The following AGBL1 variants were observed in gnomAD, a reference collection of about 807,000 sequenced individuals.
The protein encoded by AGBL1 is AGBL carboxypeptidase 1.
In AGBL1, 130 loss-of-function variants were observed where a neutral mutation model predicts 118.9. That is an observed-to-expected ratio of 1.09 (90% CI 0.95 to 1.26). The LOEUF (loss-of-function observed/expected upper bound fraction) is 1.26, where lower values mean the gene tolerates loss of function less well. Among genes scored for constraint, AGBL1 ranks in the 50% most tolerant of loss-of-function variants. AGBL1 has a pLI of 0.00. For synonymous variants in AGBL1, 555 were observed against 478.9 expected (o/e 1.16, Z -2.08); for missense variants, 1,584 against 1,298.1 (o/e 1.22, Z -3.38).
intron 22 of AGBL1, among the ~76,000 whole-genome samples, chr15:86,883,644 C>G (rs1322226139): frequency 6.6e-6 from 1 of 152,194 alleles, no homozygotes; most frequent in Admixed American, 6.5e-5. Flanking sequence ...CGACTCCACT[C>G]CTAGGCTCTT....
intron 19 of AGBL1, among the ~76,000 whole-genome samples, chr15:86,533,295 G>T (rs2083376061): frequency 7.7e-6 from 1 of 129,346 alleles, no homozygotes; most frequent in Non-Finnish European, 1.6e-5. Context: ...TCAAAAAGTG[G>T]GCGAAGGACA....
At chr15:86,290,227 T>TA (rs2079521986) in intron 16 of AGBL1, among the ~76,000 whole-genome samples, 1 of 152,162 alleles carries the variant, frequency 6.6e-6, no homozygotes, top group South Asian at 2.1e-4. Context: ...ACCATATTTT[T>TA]AGATAGTCAT....
intron 5 of AGBL1, among the ~76,000 whole-genome samples, chr15:86,194,283 G>A (rs1022472907): frequency 5.3e-5 from 8 of 152,134 alleles, no homozygotes; most frequent in African/African-American, 1.9e-4. Context: ...CTTCCTCAGT[G>A]TTTTGCGTGA....
At chr15:86,333,349 GA>G (rs1197103504) in intron 17 of AGBL1, among the ~76,000 whole-genome samples, 2 of 152,124 alleles carry the variant, frequency 1.3e-5, no homozygotes, top group African/African-American at 4.8e-5. Context: ...TAACAAAGGT[GA>G]CATCACAAGT....
At chr15:86,637,111 A>C (rs1036262126) in intron 21 of AGBL1, among the ~76,000 whole-genome samples, 3 of 152,196 alleles carry the variant, frequency 2.0e-5, no homozygotes, top group Middle Eastern at 3.4e-3. Context: ...AGGATGGACA[A>C]AATATATTTG....
chr15:86,180,138 C>G (rs75834692), intron 5 of AGBL1, among the ~76,000 whole-genome samples: 4 of 151,862 alleles, frequency 2.6e-5, no homozygotes, highest in Non-Finnish European at 4.4e-5. Flanking sequence ...TCTATAGATT[C>G]GTTGCACTCC....
intron 17 of AGBL1, among the ~76,000 whole-genome samples, chr15:86,327,930 AAAG>A (rs772632449): frequency 5.9e-5 from 9 of 152,178 alleles, no homozygotes; most frequent in Non-Finnish European, 1.0e-4. Context: ...GTTTTAAAGG[AAAG>A]AAGAAGAATA....
chr15:86,716,184 C>G (rs1024348750), intron 22 of AGBL1, among the ~76,000 whole-genome samples: 3 of 152,128 alleles, frequency 2.0e-5, no homozygotes, highest in African/African-American at 7.2e-5. Flanking sequence ...TTCCTGGAAT[C>G]TCTCTACCAT....
chr15:86,790,466 A>C (rs1484997215), intron 22 of AGBL1, among the ~76,000 whole-genome samples: 2 of 152,066 alleles, frequency 1.3e-5, no homozygotes, highest in Non-Finnish European at 2.9e-5. Context: ...TAGGTGTTTG[A>C]GCTTCCTCAG....
intron 3 of AGBL1, among the ~76,000 whole-genome samples, chr15:86,149,493 A>G (rs1052567981): frequency 1.3e-5 from 2 of 152,210 alleles, no homozygotes; most frequent in South Asian, 4.1e-4. Context: ...CTCCAATAAA[A>G]CAGACTTTAA....
intron 1 of AGBL1, among the ~76,000 whole-genome samples, chr15:86,102,931 CT>C (rs532474851): frequency 5.2e-4 from 79 of 152,018 alleles, no homozygotes; most frequent in African/African-American, 1.9e-3. Flanking sequence ...TTAATATTGC[CT>C]TCTGGGACAC....
chr15:86,225,010 C>A, intron 6 of AGBL1, 59 bp downstream of exon 6: 32 of 1,431,440 alleles, frequency 2.2e-5, no homozygotes, highest in Non-Finnish European at 2.9e-5. Flanking sequence ...ATGAAAGATA[C>A]TTTCTGGTCC....
chr15:86,808,588 C>T (rs1329103672), intron 22 of AGBL1, among the ~76,000 whole-genome samples: 1 of 147,404 alleles, frequency 6.8e-6, no homozygotes, highest in Non-Finnish European at 1.5e-5. Flanking sequence ...TCCTTCCTCC[C>T]CTTTCCTTCC....
chr15:86,561,211 C>T (rs901738991), intron 21 of AGBL1, among the ~76,000 whole-genome samples: 4 of 152,292 alleles, frequency 2.6e-5, no homozygotes, highest in Non-Finnish European at 2.9e-5. Context: ...AGTCCTTGCC[C>T]ACGCCTATGT....
rs2141706827 is a variant in AGBL1, at chr15:86,158,942, G to T, written c.404G>T (p.Gly135Val). 6.2e-7 allele frequency: 1 copy of T among 1,613,260 alleles called. No homozygotes were observed. Among genetic ancestry groups the T allele is most frequent in the South Asian group, 1.1e-5 (1 of 91,056 alleles). ...LRVFASSVSM[G>V]AMLGINGAME... ...CTTTTGTTTTTCTTAGTCTCCATGG[G>T]AGCCATGCTGGGAATTAATGGAGCC... Residue 135 changes from glycine to valine, a missense_variant, in exon 5 of 23, where the codon GGA becomes GTA. Coordinates refer to ENST00000614907, the MANE Select transcript of AGBL1 (RefSeq NM_001386094.1).
intron 5 of AGBL1, among the ~76,000 whole-genome samples, chr15:86,211,411 C>T (rs2078095628): frequency 6.6e-6 from 1 of 152,250 alleles, no homozygotes; most frequent in South Asian, 2.1e-4. Flanking sequence ...GAAGTTTTTG[C>T]TGCCTTTTGT....
At position 86,665,811 on chromosome 15, in the gene AGBL1, C is replaced by G. The variant is rs1364359871; in HGVS notation, c.2995-8462C>G. ...GTAAGATTTTTCTCTCAAATATTAA[C>G]CAACTGCTTTTGAGTTTTTATCTTT... On this transcript the variant is annotated intron_variant, in intron 21 of 22. Transcript: ENST00000614907. Among the ~76,000 whole-genome samples the G allele has an allele frequency of 4.6e-5, 7 of 151,808 alleles. No homozygotes were observed. In the South Asian group the frequency reaches 8.3e-4, roughly 18 times the overall value.
chr15:86,433,598 T>C (rs1210254578), intron 18 of AGBL1, among the ~76,000 whole-genome samples: 1 of 152,116 alleles, frequency 6.6e-6, no homozygotes, highest in Non-Finnish European at 1.5e-5. Context: ...GTCTCTACTT[T>C]TAAAGCCCAG....
At chr15:86,949,374 C>G (rs539519430) in intron 23 of AGBL1, among the ~76,000 whole-genome samples, 70 of 152,064 alleles carry the variant, frequency 4.6e-4, no homozygotes, top group Non-Finnish European at 8.4e-4. Context: ...TGCCCATGTC[C>G]TGTAACTGCT....
Sources: allele counts gnomAD v4.1 joint callset (sites outside exome capture counted in the v4.1 genomes callset), GRCh38; gene constraint gnomAD v4.1.1; transcripts MANE v1.5; gene names NCBI Gene and HGNC (gene_info 2026-07-23, HGNC 2026-07-21).